Variants in FGD4 observed in about 807,000 individuals in gnomAD.
FGD4 encodes FYVE, RhoGEF and PH domain containing 4.
Under a neutral mutation model 102.0 loss-of-function variants are expected in FGD4, and 42 were observed. The ratio of observed to expected loss-of-function variants is 0.41; its 90% CI spans 0.32 to 0.53. FGD4 has a LOEUF of 0.53. FGD4 is among the 20% of genes least tolerant of loss of function. The pLI is 0.21. For missense variants in FGD4, 902 were observed against 1,078.2 expected, an observed-to-expected ratio of 0.84 and a Z score of 2.29; for synonymous variants, 380 against 375.7, an observed-to-expected ratio of 1.01 and a Z score of -0.13.
chr12:32,615,162 T>C (rs976140884), intron 10 of FGD4, among the ~76,000 whole-genome samples: 3 of 152,236 alleles, frequency 2.0e-5, no homozygotes, highest in African/African-American at 7.2e-5. Flanking sequence ...TAAAAACTTA[T>C]ATATGCTACA....
intron 1 of FGD4, among the ~76,000 whole-genome samples, chr12:32,477,912 C>T (rs538057176): frequency 6.6e-6 from 1 of 152,178 alleles, no homozygotes; most frequent in Non-Finnish European, 1.5e-5. Flanking sequence ...GCAGAGGTTG[C>T]CTCTGCCTTT....
At chr12:32,628,012 A>G (rs951760014) in intron 14 of FGD4, among the ~76,000 whole-genome samples, 2 of 152,194 alleles carry the variant, frequency 1.3e-5, no homozygotes, top group Non-Finnish European at 2.9e-5. Context: ...CATGCCAGAT[A>G]TGGTTCACCC....
chr12:32,561,075 G>GT lies in FGD4; in HGVS notation c.167-3036dup, dbSNP rs1218919677. ...AAATGTGGTTTCTTTGTTGGGTTTT[G>GT]TTTTTTTTTTTTTTTTTTTTTTTTT... On this transcript the variant is annotated intron_variant, in intron 1 of 16. Transcript: ENST00000534526. 1.0e-2 allele frequency among the ~76,000 whole-genome samples: 851 copies of GT among 85,146 alleles called. 87 individuals carry two copies. The highest frequency in any genetic ancestry group is 0.027 in the African/African-American group (582 of 21,744). 55.9% of individuals were successfully genotyped at this position (85,146 alleles called of 152,430 possible). A position where few individuals can be genotyped will look rare whatever the true frequency, so the allele number is the denominator to read the frequency against.
intron 1 of FGD4, among the ~76,000 whole-genome samples, chr12:32,528,546 C>T (rs1362188661): frequency 6.6e-6 from 1 of 152,030 alleles, no homozygotes; most frequent in East Asian, 1.9e-4. Context: ...CGCACCACCA[C>T]GCCTGGCTAA....
chr12:32,559,058 A>G (rs1489098809), intron 1 of FGD4, among the ~76,000 whole-genome samples: 1 of 152,184 alleles, frequency 6.6e-6, no homozygotes, highest in African/African-American at 2.4e-5. Context: ...GTTCTTCTTG[A>G]TATTGTAATT....
intron 1 of FGD4, among the ~76,000 whole-genome samples, chr12:32,414,116 C>T (rs559702473): frequency 2.5e-4 from 38 of 151,766 alleles, no homozygotes; most frequent in East Asian, 9.7e-4. Context: ...GGATTACAGG[C>T]GCCCACCAGC....
intron 1 of FGD4, among the ~76,000 whole-genome samples, chr12:32,499,069 C>T (rs562137631): frequency 1.1e-4 from 17 of 152,290 alleles, no homozygotes; most frequent in Admixed American, 9.8e-4. Context: ...GGAGGAGTAA[C>T]GGCAAATGGA....
chr12:32,620,023 A>G lies in FGD4; in HGVS notation c.1922+153A>G, dbSNP rs1949707709. On this transcript the variant is annotated intron_variant, in intron 11 of 16. Coordinates refer to ENST00000534526, the MANE Select transcript of FGD4 (RefSeq NM_001370298.3). Reference sequence around the variant, plus strand: ...AATGCAGAGCTGTAGGTTCTTGAAAAGCAGGAGTCATGTCTCCCCTCTCTT... The same window carrying G: ...AATGCAGAGCTGTAGGTTCTTGAAAGGCAGGAGTCATGTCTCCCCTCTCTT... Among the ~76,000 whole-genome samples the G allele has an allele frequency of 2.0e-5, 3 of 152,200 alleles. No homozygotes were observed. The South Asian group carries it at 6.2e-4, about 31-fold the overall frequency.
At chr12:32,533,997 T>C (rs895287004) in intron 1 of FGD4, among the ~76,000 whole-genome samples, 1 of 152,246 alleles carries the variant, frequency 6.6e-6, no homozygotes, top group Admixed American at 6.5e-5. Flanking sequence ...TTGTGAATCA[T>C]GAATCTGTAA....
intron 1 of FGD4, among the ~76,000 whole-genome samples, chr12:32,520,425 G>GTTTTTTTTTTTTTTTT (rs572548423): frequency 9.0e-6 from 1 of 111,366 alleles, no homozygotes. Context: ...TCTATTGTGG[G>GTTTTTTTTTTTTTTTT]TTTTTTTGTT....
chr12:32,419,997 T>C (rs2136414312), intron 1 of FGD4, among the ~76,000 whole-genome samples: 1 of 152,342 alleles, frequency 6.6e-6, no homozygotes. Context: ...TCAATGTCTC[T>C]TTCAGTGATA....
At chr12:32,478,339 A>C (rs1173668523) in intron 1 of FGD4, among the ~76,000 whole-genome samples, 6 of 152,008 alleles carry the variant, frequency 3.9e-5, no homozygotes, top group Non-Finnish European at 8.8e-5. Flanking sequence ...CTCGGCTTTC[A>C]CTGCAGCCTC....
intron 1 of FGD4, among the ~76,000 whole-genome samples, chr12:32,543,253 G>T (rs971928834): frequency 2.6e-5 from 4 of 152,224 alleles, no homozygotes; most frequent in African/African-American, 9.6e-5. Flanking sequence ...AGGTCCAGAA[G>T]ATTCCTGAAC....
chr12:32,534,314 C>G (rs764794563), intron 1 of FGD4: 130 of 1,355,380 alleles, frequency 9.6e-5, no homozygotes, highest in Non-Finnish European at 1.2e-4. Context: ...GAAGAATGCA[C>G]TGAAGTCATA....
intron 1 of FGD4, among the ~76,000 whole-genome samples, chr12:32,505,694 A>T (rs1938650164): frequency 6.6e-6 from 1 of 152,122 alleles, no homozygotes; most frequent in South Asian, 2.1e-4. Flanking sequence ...TATTCTTAGA[A>T]AAGTTCCACG....
intron 4 of FGD4, among the ~76,000 whole-genome samples, chr12:32,597,728 A>G (rs747859836): frequency 5.9e-5 from 9 of 152,248 alleles, no homozygotes; most frequent in Non-Finnish European, 1.2e-4. Context: ...CTGAAGAAAT[A>G]AAGTGGAATT....
intron 1 of FGD4, among the ~76,000 whole-genome samples, chr12:32,409,359 G>A (rs557749271): frequency 4.9e-5 from 7 of 142,308 alleles, no homozygotes; most frequent in Admixed American, 1.5e-4. Context: ...TGCGATCTCC[G>A]CTCCCTGCAA....
At chr12:32,576,072 G>A (rs1395017510) in intron 2 of FGD4, among the ~76,000 whole-genome samples, 194 bp from the exon 3 acceptor site, 2 of 152,086 alleles carry the variant, frequency 1.3e-5, no homozygotes, top group East Asian at 3.8e-4. Context: ...TTGGAGATGG[G>A]ATTTCCACAA....
chr12:32,447,146 T>A (rs1401737487), intron 1 of FGD4, among the ~76,000 whole-genome samples: 1 of 152,218 alleles, frequency 6.6e-6, no homozygotes, highest in Admixed American at 6.5e-5. Flanking sequence ...AAGGCATGTC[T>A]CCTAGCTCAT....
Sources: gnomAD v4.1 joint callset for allele counts (sites outside exome capture counted in the v4.1 genomes callset) on GRCh38, gnomAD v4.1.1 for gene constraint, MANE v1.5 for transcripts, NCBI Gene and HGNC (gene_info 2026-07-23, HGNC 2026-07-21) for gene names.